CDH18: variants seen among roughly 807,000 people sequenced by gnomAD.
CDH18 encodes cadherin 18.
In CDH18, 31 loss-of-function variants were observed where a neutral mutation model predicts 67.9. That is an observed-to-expected ratio of 0.46 (90% confidence interval 0.34 to 0.62). CDH18 has a LOEUF of 0.62. Ranked by LOEUF, CDH18 falls within the 20% of genes least tolerant of loss-of-function variation. The pLI is 0.01. For missense variants in CDH18, 890 were observed against 975.5 expected, an observed-to-expected ratio of 0.91 and a Z score of 1.17; for synonymous variants, 362 against 347.2, an observed-to-expected ratio of 1.04 and a Z score of -0.48.
At chr5:19,709,675 G>T (rs79604598) in intron 5 of CDH18, among the ~76,000 whole-genome samples, 1 of 124,968 alleles carries the variant, frequency 8.0e-6, no homozygotes, top group African/African-American at 3.0e-5. Context: ...GAAAGAAAAA[G>T]AAAAGAAAGA....
chr5:20,159,265 T>C (rs1316503284), intron 2 of CDH18, among the ~76,000 whole-genome samples: 2 of 152,068 alleles, frequency 1.3e-5, no homozygotes, highest in Admixed American at 6.6e-5. Flanking sequence ...AGTCGGGAGT[T>C]TGGAGGATGC....
intron 1 of CDH18, among the ~76,000 whole-genome samples, chr5:20,469,944 C>A (rs1751932839): frequency 6.6e-6 from 1 of 152,238 alleles, no homozygotes; most frequent in Admixed American, 6.5e-5. Flanking sequence ...CTACTGTGGA[C>A]TTGTCTTGCA....
intron 2 of CDH18, among the ~76,000 whole-genome samples, chr5:19,887,576 T>C (rs548546116): frequency 2.3e-4 from 35 of 152,150 alleles, no homozygotes; most frequent in African/African-American, 8.4e-4. Context: ...GACTTGCTTT[T>C]TTTTTCCTCT....
At position 19,590,977 on chromosome 5, in the gene CDH18, A is replaced by C. The variant is rs573639054; in HGVS notation, c.999+80T>G. On this transcript the variant is annotated intron_variant, in intron 7 of 12. Coordinates refer to ENST00000382275, the MANE Select transcript of CDH18 (RefSeq NM_004934.5). ...TCATTTTAATGGCCTGACAGCGTGG[A>C]TTATTCATGCCTCTGCCAAATTTCC... The C allele has an allele frequency of 1.0e-4, 77 of 756,952 alleles. 1 individual carries two copies. The South Asian group carries it at 1.5e-3, about 15-fold the overall frequency. 46.9% of individuals were successfully genotyped at this position (756,952 alleles called of 1,614,324 possible).
chr5:20,323,204 A>G (rs1738202417), intron 1 of CDH18, among the ~76,000 whole-genome samples: 1 of 152,130 alleles, frequency 6.6e-6, no homozygotes. Flanking sequence ...TAAATCTTGT[A>G]TTTGTTCATT....
intron 2 of CDH18, among the ~76,000 whole-genome samples, chr5:19,994,851 T>TAG (rs796697683): frequency 0.075 from 2,938 of 39,184 alleles, 369 homozygotes; most frequent in South Asian, 0.13. Flanking sequence ...TATATATATA[T>TAG]ATATAGAGAG....
At chr5:19,804,764 A>G (rs370050740) in intron 3 of CDH18, among the ~76,000 whole-genome samples, 20 of 152,152 alleles carry the variant, frequency 1.3e-4, no homozygotes, top group African/African-American at 3.9e-4. Context: ...ACAGTTGAAG[A>G]AGATACATAC....
chr5:20,565,366 A>G (rs770509354), intron 1 of CDH18, among the ~76,000 whole-genome samples: 3 of 152,280 alleles, frequency 2.0e-5, no homozygotes, highest in South Asian at 2.1e-4. Flanking sequence ...GATCCTTGCA[A>G]GTAAAATCCT....
intron 2 of CDH18, among the ~76,000 whole-genome samples, chr5:20,172,662 T>C (rs138327853): frequency 6.8e-4 from 103 of 152,080 alleles, no homozygotes; most frequent in East Asian, 2.1e-3. Flanking sequence ...TACAAAAATA[T>C]ATGAAGCAGG....
At chr5:19,889,007 T>C (rs1045507070) in intron 2 of CDH18, among the ~76,000 whole-genome samples, 3 of 152,256 alleles carry the variant, frequency 2.0e-5, no homozygotes, top group East Asian at 1.9e-4. Flanking sequence ...TAAAATGACA[T>C]AGTATTTGCA....
intron 1 of CDH18, among the ~76,000 whole-genome samples, 152 bp downstream of exon 1, chr5:19,987,934 A>T (rs1799732458): frequency 6.6e-6 from 1 of 152,158 alleles, no homozygotes; most frequent in Non-Finnish European, 1.5e-5. Flanking sequence ...CATTAGCTAC[A>T]ACTTTCCCCT....
intron 2 of CDH18, among the ~76,000 whole-genome samples, chr5:20,177,375 T>G (rs1278489358): frequency 1.3e-5 from 2 of 152,186 alleles, no homozygotes; most frequent in Non-Finnish European, 2.9e-5. Flanking sequence ...CCAAAGAATT[T>G]TGTTTACATT....
intron 3 of CDH18, among the ~76,000 whole-genome samples, chr5:19,836,746 G>A (rs993119263): frequency 7.2e-5 from 11 of 151,952 alleles, no homozygotes; most frequent in African/African-American, 1.4e-4. Flanking sequence ...CTTTGCCCAC[G>A]CCTACATCCT....
intron 2 of CDH18, among the ~76,000 whole-genome samples, chr5:20,127,768 C>T (rs77263530): frequency 0.019 from 2,836 of 152,216 alleles, 116 homozygotes; most frequent in African/African-American, 0.064. Context: ...ATCTGTTGTA[C>T]AGCACTGTGC....
intron 2 of CDH18, among the ~76,000 whole-genome samples, chr5:20,129,603 G>A (rs939987180): frequency 6.6e-6 from 1 of 152,104 alleles, no homozygotes; most frequent in African/African-American, 2.4e-5. Flanking sequence ...GACATCAGGC[G>A]ATTGGAAACT....
At chr5:20,070,327 G>A (rs1325043064) in intron 2 of CDH18, among the ~76,000 whole-genome samples, 2 of 151,956 alleles carry the variant, frequency 1.3e-5, no homozygotes, top group African/African-American at 2.4e-5. Context: ...TTCAAAAATC[G>A]GTTAAATTTT....
chr5:19,547,920 T>C (rs1736624213), intron 8 of CDH18, among the ~76,000 whole-genome samples: 1 of 152,078 alleles, frequency 6.6e-6, no homozygotes, highest in Admixed American at 6.5e-5. Context: ...AACTCAGAAG[T>C]AAGTAAAGTG....
intron 8 of CDH18, among the ~76,000 whole-genome samples, chr5:19,550,977 T>C (rs556125339): frequency 2.6e-5 from 4 of 152,250 alleles, no homozygotes; most frequent in East Asian, 1.9e-4. Context: ...GAGATGAGGA[T>C]TGACTAAACT....
chr5:19,980,828 A>G (rs1319397879), intron 2 of CDH18, among the ~76,000 whole-genome samples: 2 of 152,114 alleles, frequency 1.3e-5, no homozygotes, highest in Admixed American at 1.3e-4. Context: ...CATCTCAATC[A>G]ATATATGTGC....
Sources: gnomAD v4.1 joint callset for allele counts (sites outside exome capture counted in the v4.1 genomes callset) on GRCh38, gnomAD v4.1.1 for gene constraint, MANE v1.5 for transcripts, NCBI Gene and HGNC (gene_info 2026-07-23, HGNC 2026-07-21) for gene names.